Variants in LTBP3 observed in about 807,000 individuals in gnomAD.
The protein encoded by LTBP3 is latent-transforming growth factor beta-binding protein 3.
Under a neutral mutation model 159.7 loss-of-function variants are expected in LTBP3, and 97 were observed. That is an observed-to-expected ratio of 0.61 (90% CI 0.52 to 0.72). The LOEUF is 0.72. Ranked by LOEUF, LTBP3 falls within the 30% of genes least tolerant of loss-of-function variation. The probability of loss-of-function intolerance (pLI) is 0.00; values close to 1 mark genes in which losing one functional copy is unlikely to be tolerated. For synonymous variants in LTBP3, 824 were observed against 777.1 expected, an observed-to-expected ratio of 1.06 and a Z score of -1.00; for missense variants, 1,584 against 1,864.3, an observed-to-expected ratio of 0.85 and a Z score of 2.77.
rs1856225291 is a variant in LTBP3 at position 65,543,101 on chromosome 11, A to G, written c.2596+4T>C. ...CTCAGGAACCCTCAGCCAGTCCCCC[A>G]TACCTTGGCATTTCCTGCCACCCAC... On this transcript the variant is annotated splice_donor_region_variant and intron_variant, in intron 18 of 27. Coordinates refer to ENST00000301873, the MANE Select transcript of LTBP3 (RefSeq NM_001130144.3). The G allele has an allele frequency of 6.2e-7, 1 of 1,613,908 alleles. No individual in the cohort carries two copies. The highest frequency in any genetic ancestry group is 8.5e-7 in the Non-Finnish European group (1 of 1,179,944).
intron 11 of LTBP3, chr11:65,548,348 A>G: frequency 1.7e-6 from 1 of 589,896 alleles, no homozygotes; most frequent in Non-Finnish European, 3.0e-6. Flanking sequence ...ACATCCCCTC[A>G]GGGCCCCTCA....
chr11:65,546,893 G>A lies in LTBP3; in HGVS notation c.2135C>T (p.Ser712Phe). Residue 712 changes from serine (S) to phenylalanine (F), a missense_variant, in exon 15 of 28, where the codon TCT (serine) becomes TTT (phenylalanine). By Grantham distance (155) the Ser-to-Phe change is radical. This residue lies in a region of LTBP3 where 565 missense variants were observed against 677.7 expected (regional missense o/e 0.83). Coordinates refer to ENST00000301873, the MANE Select transcript of LTBP3 (RefSeq NM_001130144.3). This position sits in a 1 kb window ranked among gnomAD's most constrained non-coding sequence, Gnocchi z 4.0. ...EDIDECRDPS[S>F]CPDGKCENKP... ...GTTCTCGCATTTGCCATCCGGGCAA[G>A]AGCTTGGGTCCCGGCACTCGTCGAT... 6.2e-7 allele frequency: 1 copy of A among 1,612,640 alleles called. No homozygotes were observed. The highest frequency in any genetic ancestry group is 8.5e-7 in the Non-Finnish European group (1 of 1,179,994).
Position 65,547,704 on chromosome 11 carries a change from C to A in LTBP3, c.1964G>T (p.Gly655Val), listed in dbSNP as rs1365652877. ...GCGGCGCTCACCCACGCACGAGCGCCCCCCGGCGCCCACGTGCAGGCGGTA... is the reference window on the plus strand; with the variant it reads ...GCGGCGCTCACCCACGCACGAGCGCACCCCGGCGCCCACGTGCAGGCGGTA... Reference protein sequence around the residue: ...RGYRLHVGAGGRSCVDLNECA... With the variant: ...RGYRLHVGAGVRSCVDLNECA... Residue 655 changes from glycine to valine, a missense_variant, in exon 13 of 28, where the codon GGG becomes GTG. Physicochemically the swap from Gly to Val is moderately radical, Grantham distance 109. Coordinates refer to ENST00000301873, the MANE Select transcript of LTBP3 (RefSeq NM_001130144.3). The surrounding 1 kb of genome is among the most constrained non-coding windows in gnomAD (Gnocchi z 4.6). The A allele has an allele frequency of 6.2e-7, 1 of 1,605,358 alleles. No individual in the cohort carries two copies. Among genetic ancestry groups the A allele is most frequent in the Non-Finnish European group, 8.5e-7 (1 of 1,177,580 alleles).
rs1324261698 is a variant in LTBP3, at chr11:65,542,208, A to G, written c.2597-480T>C. ...TCCTACTTACGTTTCAGTCCAGTTCAACATTCACCTCCCCATTGCAATTAA... is the reference window on the plus strand; with the variant it reads ...TCCTACTTACGTTTCAGTCCAGTTCGACATTCACCTCCCCATTGCAATTAA... On this transcript the variant is annotated intron_variant, in intron 18 of 27. Transcript: ENST00000301873. 3.3e-5 allele frequency among the ~76,000 whole-genome samples: 5 copies of G among 151,972 alleles called. No homozygotes were observed. In the South Asian group the frequency reaches 1.0e-3, roughly 32 times the overall value.
chr11:65,542,459 C>T (rs1308612775), intron 18 of LTBP3: 2 of 145,082 alleles, frequency 1.4e-5, no homozygotes, highest in Non-Finnish European at 2.9e-5. Flanking sequence ...GTGATCTCGG[C>T]TCACTGCAAC....
intron 18 of LTBP3, 65 bp from the exon 19 acceptor site, chr11:65,541,793 G>A: frequency 1.3e-6 from 2 of 1,591,532 alleles, no homozygotes; most frequent in South Asian, 2.2e-5. Context: ...CACCTCAAGG[G>A]CCTCACACAA....
intron 1 of LTBP3, 108 bp downstream of exon 1, chr11:65,557,521 C>T (rs1028916866): frequency 2.5e-5 from 38 of 1,496,526 alleles, no homozygotes; most frequent in Non-Finnish European, 3.5e-5. Flanking sequence ...CGGATCTCTG[C>T]CCTTTATACC....
rs766900840 is a variant in LTBP3, at chr11:65,553,163, C to A, written c.1063+1G>T. On this transcript the variant is annotated splice_donor_variant, in intron 5 of 27. Coordinates refer to ENST00000301873, the MANE Select transcript of LTBP3 (RefSeq NM_001130144.3). LOFTEE classifies it high-confidence loss of function. This position sits in a 1 kb window ranked among gnomAD's most constrained non-coding sequence, Gnocchi z 6.5. The stretch of plus-strand genomic sequence containing the variant: ...CCACAGAATCTCCTAGCTGGCCATA[C>A]CCTGGCAGTGGGTGCTGTTAAGCCT... The A allele has an allele frequency of 6.2e-7, 1 of 1,613,932 alleles. No homozygotes were observed. Among genetic ancestry groups the A allele is most frequent in the Non-Finnish European group, 8.5e-7 (1 of 1,179,962 alleles).
In LTBP3 at chr11:65,547,561, T is replaced by C; in HGVS notation, c.1985A>G (p.Asn662Ser). 1 of 1,613,864 alleles carries C rather than the reference T, an allele frequency of 6.2e-7. No individual in the cohort carries two copies. ...GAGGRSCVDL[N>S]ECAKPHLCGD... ...GCACAGGTGGGGCTTGGCGCATTCG[T>C]TCAGGTCTGTGCGGGAGGAAGGGGC... is the stretch of plus-strand genomic sequence containing the variant. The change falls in exon 14 of 28, where the codon AAC becomes AGC. Residue 662 changes from asparagine to serine, a missense_variant. Asn to Ser is a conservative substitution (Grantham distance 46). Around this residue, in one of 6 missense-constraint regions of LTBP3, gnomAD observed 565 missense variants for 677.7 expected, o/e 0.83. Transcript: ENST00000301873. The surrounding 1 kb of genome is among the most constrained non-coding windows in gnomAD (Gnocchi z 4.6).
At position 65,539,254 on chromosome 11, in the gene LTBP3, C is replaced by T. The variant is rs558470151; in HGVS notation, c.3761-23G>A. On this transcript the variant is annotated intron_variant, in intron 27 of 27. Transcript: ENST00000301873. ...TATCTGAAGGTGAGGGCGACAGGTG[C>T]GGCTTCGCTGAGCCTCCAGGCGGCT... 635 of 1,521,880 alleles carry T rather than the reference C, an allele frequency of 4.2e-4. 20 individuals carry two copies. The Admixed American group carries it at 0.012, about 30-fold the overall frequency. 94.3% of individuals were successfully genotyped at this position (1,521,880 alleles called of 1,614,324 possible). A position where few individuals can be genotyped will look rare whatever the true frequency, so the allele number is the denominator to read the frequency against.
Position 65,547,539 on chromosome 11 carries a change from C to T in LTBP3, c.2007G>A (p.Leu669=). The T allele has an allele frequency of 1.2e-6, 2 of 1,613,988 alleles. No homozygotes were observed. The highest frequency in any genetic ancestry group is 1.7e-6 in the Non-Finnish European group (2 of 1,179,946). The part of the protein sequence containing the change: ...VDLNECAKPH[L]CGDGGFCINF... ...TGATGCAGAAGCCGCCGTCGCCGCACAGGTGGGGCTTGGCGCATTCGTTCA... is the reference window on the plus strand; with the variant it reads ...TGATGCAGAAGCCGCCGTCGCCGCATAGGTGGGGCTTGGCGCATTCGTTCA... The change falls in exon 14 of 28, where the codon CTG becomes CTA. Residue 669 remains leucine (L), a synonymous_variant. Transcript: ENST00000301873. This position sits in a 1 kb window ranked among gnomAD's most constrained non-coding sequence, Gnocchi z 4.6.
In LTBP3 at chr11:65,547,766, G is replaced by A; in HGVS notation, c.1902C>T (p.Asn634=). The A allele has an allele frequency of 1.2e-6, 2 of 1,611,926 alleles. No homozygotes were observed. Among genetic ancestry groups the A allele is most frequent in the African/African-American group, 2.7e-5 (2 of 74,988 alleles). The part of the protein sequence containing the change: ...PCGPGRGICM[N]TGGSYNCHCN... ...AGTGGCAATTGTAGGAGCCGCCGGT[G>A]TTCATGCAGATGCCCCTCCCCGGGC... The change falls in exon 13 of 28, where the codon AAC becomes AAT. Residue 634 remains asparagine (N), a synonymous_variant. Transcript: ENST00000301873. This position sits in a 1 kb window ranked among gnomAD's most constrained non-coding sequence, Gnocchi z 4.6.
Position 65,552,076 on chromosome 11 carries a change from C to T in LTBP3, c.1427G>A (p.Ser476Asn). 1 of 1,614,130 alleles carries T rather than the reference C, an allele frequency of 6.2e-7. No individual in the cohort carries two copies. Residue 476 changes from serine to asparagine, a missense_variant, in exon 8 of 28, where the codon AGT becomes AAT. Physicochemically the swap from Ser to Asn is conservative, Grantham distance 46 (BLOSUM62 1). Coordinates refer to ENST00000301873, the MANE Select transcript of LTBP3 (RefSeq NM_001130144.3). The surrounding 1 kb of genome is among the most constrained non-coding windows in gnomAD (Gnocchi z 6.0). The stretch of plus-strand genomic sequence containing the variant: ...AGGGTGCAGGAAAAGGGAAAAGTCA[C>T]TCTCGCCCTGAATGGTGAGCGTCTG... ...SHQTLTIQGE[S>N]DFSLFLHPDG... is the part of the protein sequence containing the mutation.
At chr11:65,544,003 G>A (rs974309552) in intron 16 of LTBP3, 19 of 212,470 alleles carry the variant, frequency 8.9e-5, no homozygotes, top group African/African-American at 3.9e-4. Context: ...GCCTGAGCTC[G>A]GCCTCTGAGG....
Position 65,543,242 on chromosome 11 carries a change from G to C in LTBP3, c.2477-18C>G. On this transcript the variant is annotated intron_variant, in intron 17 of 27. Transcript: ENST00000301873. ...ATCAATGTCTGTAGGGGATGGAAGG[G>C]GTGGAGAATCTCAGGGGCTGATCAC... 6.2e-7 allele frequency: 1 copy of C among 1,614,016 alleles called. No individual in the cohort carries two copies. Among genetic ancestry groups the C allele is most frequent in the Non-Finnish European group, 8.5e-7 (1 of 1,179,968 alleles).
rs1565084638 is a variant in LTBP3, at chr11:65,538,825, G to A, written c.*255C>T. The A allele has an allele frequency of 7.4e-6, 6 of 813,948 alleles. No homozygotes were observed. The South Asian group carries it at 1.1e-4, about 15-fold the overall frequency. The allele number at this position is 813,948 out of a possible 1,614,324, so 50.4% of individuals were successfully genotyped here. A position where few individuals can be genotyped will look rare whatever the true frequency, so the allele number is the denominator to read the frequency against. On this transcript the variant is annotated 3_prime_UTR_variant, in exon 28 of 28. Coordinates refer to ENST00000301873, the MANE Select transcript of LTBP3 (RefSeq NM_001130144.3). ...TGCTTCGAAAGCCAAGGGTAAAGAG[G>A]CACGATCTGATTTATCAGTTTCTAG...
At position 65,546,508 on chromosome 11, in the gene LTBP3, G is replaced by T. The variant is rs377091192; in HGVS notation, c.2287C>A (p.Pro763Thr). Residue 763 changes from proline (P) to threonine (T), a missense_variant, in exon 16 of 28, where the codon CCG becomes ACG. By Grantham distance (38) the Pro-to-Thr change is conservative (BLOSUM62 -1). Coordinates refer to ENST00000301873, the MANE Select transcript of LTBP3 (RefSeq NM_001130144.3). The surrounding 1 kb of genome is among the most constrained non-coding windows in gnomAD (Gnocchi z 4.0). ...PCSPGWCENL[P>T]GSFRCTCAQG... ...GCACAGGTGCAGCGGAAGGAGCCCG[G>T]GAGGTTCTCGCACCAGCCAGGCGAG... 1.2e-6 allele frequency: 2 copies of T among 1,600,050 alleles called. No homozygotes were observed. The highest frequency in any genetic ancestry group is 1.7e-5 in the Admixed American group (1 of 59,826).
intron 19 of LTBP3, 109 bp downstream of exon 19, chr11:65,541,491 T>A: frequency 6.4e-7 from 1 of 1,571,768 alleles, no homozygotes; most frequent in Non-Finnish European, 8.7e-7. Flanking sequence ...AAAAGAGATT[T>A]CTTCCGGTTC....
chr11:65,554,364 G>A lies in LTBP3; in HGVS notation c.348C>T (p.Pro116=). ...AGGAGCACTGGCCGCCATTCATGCA[G>A]GGGAGAGGGCACACCACTGGGGAGA... ...SGFRVVVCPL[P]CMNGGQCSSR... is the part of the protein sequence containing the mutation. Residue 116 remains proline (P), a synonymous_variant, in exon 2 of 28, where the codon CCC becomes CCT. Coordinates refer to ENST00000301873, the MANE Select transcript of LTBP3 (RefSeq NM_001130144.3). This position sits in a 1 kb window ranked among gnomAD's most constrained non-coding sequence, Gnocchi z 5.3. The A allele has an allele frequency of 5.6e-6, 9 of 1,612,104 alleles. No individual in the cohort carries two copies. Among genetic ancestry groups the A allele is most frequent in the Non-Finnish European group, 5.9e-6 (7 of 1,179,718 alleles).
Sources: allele counts gnomAD v4.1 joint callset (sites outside exome capture counted in the v4.1 genomes callset), GRCh38; gene constraint gnomAD v4.1.1; regional missense constraint gnomAD v4.1.1; non-coding constraint Gnocchi (gnomAD v3.1); transcripts MANE v1.5; gene names NCBI Gene and HGNC (gene_info 2026-07-23, HGNC 2026-07-21).